The following SLC25A36 variants were observed in gnomAD, a reference collection of about 807,000 sequenced individuals.
SLC25A36 encodes solute carrier family 25 member 36, also known as epididymis secretory sperm binding protein.
SLC25A36 carries 24 observed loss-of-function variants against 35.3 expected under a neutral mutation model. The ratio of observed to expected loss-of-function variants is 0.68; its 90% CI spans 0.49 to 0.96. The LOEUF is 0.96. SLC25A36 is among the 40% of genes least tolerant of loss of function. The pLI is 0.00. For synonymous variants in SLC25A36, 141 were observed against 132.2 expected (o/e 1.07, Z -0.46); for missense variants, 294 against 381.1 (o/e 0.77, Z 1.90).
chr3:140,955,553 C>G (rs1934457733), intron 1 of SLC25A36, among the ~76,000 whole-genome samples: 1 of 152,176 alleles, frequency 6.6e-6, no homozygotes, highest in African/African-American at 2.4e-5. Context: ...TTAAACAGTT[C>G]AATGTCATTA....
At chr3:140,961,855 CAAAAAAAAAAAAAAAAA>C (rs553759457) in intron 3 of SLC25A36, among the ~76,000 whole-genome samples, 18 of 35,840 alleles carry the variant, frequency 5.0e-4, no homozygotes, top group Admixed American at 8.3e-4. Flanking sequence ...GGCTCCGTCT[CAAAAAAAAAAAAAAAAA>C]AAAAAAAAAA....
Position 140,977,551 on chromosome 3 carries a change from G to A in SLC25A36, c.*1098G>A, listed in dbSNP as rs748514018. 6.6e-5 allele frequency: 10 copies of A among 152,092 alleles called. No individual in the cohort carries two copies. Among genetic ancestry groups the A allele is most frequent in the Non-Finnish European group, 1.2e-4 (8 of 68,000 alleles). The allele number at this position is 152,092 out of a possible 1,614,324, so 9.4% of individuals were successfully genotyped here. A position where few individuals can be genotyped will look rare whatever the true frequency, so the allele number is the denominator to read the frequency against. ...TTGTGTAAATGAACAAACTGCTTTTGACAAGAAATTTATTCTGTCCTAGTT... is the reference window on the plus strand; with the variant it reads ...TTGTGTAAATGAACAAACTGCTTTTAACAAGAAATTTATTCTGTCCTAGTT... On this transcript the variant is annotated 3_prime_UTR_variant, in exon 7 of 7. Transcript: ENST00000324194.
chr3:140,952,688 G>T (rs1934360197), intron 1 of SLC25A36, among the ~76,000 whole-genome samples: 1 of 152,072 alleles, frequency 6.6e-6, no homozygotes, highest in Non-Finnish European at 1.5e-5. Flanking sequence ...AGCGTGTGAG[G>T]CATAGGTATT....
chr3:140,967,089 T>C (rs1011868187), intron 4 of SLC25A36: 61 of 453,700 alleles, frequency 1.3e-4, no homozygotes, highest in Non-Finnish European at 3.1e-5. Flanking sequence ...AAACCCACCC[T>C]GGGATTTTAT....
intron 3 of SLC25A36, among the ~76,000 whole-genome samples, chr3:140,961,483 T>A (rs1282169016): frequency 6.6e-6 from 1 of 152,182 alleles, no homozygotes; most frequent in African/African-American, 2.4e-5. Flanking sequence ...TATCTTTGAA[T>A]ACTTTAGGAA....
Position 140,971,084 on chromosome 3 carries a change from TTTG to T in SLC25A36, c.452+99_452+101del, listed in dbSNP as rs1934887175. The T allele has an allele frequency of 7.9e-6, 5 of 633,336 alleles. No individual in the cohort carries two copies. In the East Asian group the frequency reaches 1.1e-4, roughly 14 times the overall value. The allele number at this position is 633,336 out of a possible 1,614,324, so 39.2% of individuals were successfully genotyped here. A position where few individuals can be genotyped will look rare whatever the true frequency, so the allele number is the denominator to read the frequency against. On this transcript the variant is annotated intron_variant, in intron 5 of 6. Coordinates refer to ENST00000324194, the MANE Select transcript of SLC25A36 (RefSeq NM_001104647.3). The stretch of plus-strand genomic sequence containing the variant: ...TTTCTTTCCTTTGCTGCTGAATTTG[TTTG>T]TTGTTGTAGTTTAATTTTGAAACTT...
chr3:140,958,019 A>C (rs562669701), intron 2 of SLC25A36, among the ~76,000 whole-genome samples: 2 of 152,174 alleles, frequency 1.3e-5, no homozygotes, highest in East Asian at 3.9e-4. Context: ...CCTCACAGTA[A>C]CCAGTAAAGG....
At chr3:140,976,175 A>G in intron 6 of SLC25A36, 85 bp from the exon 7 acceptor site, 1 of 898,650 alleles carries the variant, frequency 1.1e-6, no homozygotes, top group Non-Finnish European at 1.7e-6. Context: ...TTACACTTAC[A>G]GACTGATAAA....
chr3:140,966,305 G>A, intron 4 of SLC25A36: 1 of 295,506 alleles, frequency 3.4e-6, no homozygotes, highest in Non-Finnish European at 6.8e-6. Flanking sequence ...CAGATGTTTT[G>A]TGTGTTTGTG....
chr3:140,967,348 A>T (rs977520244), intron 4 of SLC25A36, among the ~76,000 whole-genome samples: 5 of 151,934 alleles, frequency 3.3e-5, no homozygotes, highest in African/African-American at 7.2e-5. Context: ...ATAAAATCAT[A>T]GTTCTCTTTG....
intron 1 of SLC25A36, among the ~76,000 whole-genome samples, chr3:140,953,880 G>A (rs1934404500): frequency 6.6e-6 from 1 of 152,178 alleles, no homozygotes; most frequent in African/African-American, 2.4e-5. Flanking sequence ...TGAAGCAGGA[G>A]GACTGTTTGA....
intron 3 of SLC25A36, among the ~76,000 whole-genome samples, chr3:140,961,809 T>C (rs1200807858): frequency 8.1e-6 from 1 of 123,744 alleles, no homozygotes; most frequent in Non-Finnish European, 1.5e-5. Context: ...TGAGCCAATA[T>C]AGGGCCACTG....
intron 6 of SLC25A36, among the ~76,000 whole-genome samples, chr3:140,975,387 G>A (rs1285553061): frequency 6.6e-6 from 1 of 151,970 alleles, no homozygotes; most frequent in Non-Finnish European, 1.5e-5. Context: ...TCAGGCTCAG[G>A]CATGAGCCAC....
At chr3:140,971,015 A>G in intron 5 of SLC25A36, 22 bp downstream of exon 5, 1 of 1,077,982 alleles carries the variant, frequency 9.3e-7, no homozygotes, top group East Asian at 2.4e-5. Flanking sequence ...CCTTAAAATA[A>G]AATTGGTTAA....
chr3:140,978,750 T>G lies in SLC25A36; in HGVS notation c.*2297T>G, dbSNP rs528543898. ...ACAACTAGAAAGGAGCAATGAAGTT[T>G]ATTTCAGTTGTATTTTTCCCTAAGC... On this transcript the variant is annotated 3_prime_UTR_variant, in exon 7 of 7. Transcript: ENST00000324194. 110 of 152,288 alleles carry G rather than the reference T, an allele frequency of 7.2e-4. 2 individuals are homozygous for G. Among genetic ancestry groups the G allele is most frequent in the Admixed American group, 7.0e-3 (107 of 15,286 alleles). 9.4% of individuals were successfully genotyped at this position (152,288 alleles called of 1,614,324 possible).
chr3:140,953,554 A>T (rs946109052), intron 1 of SLC25A36, among the ~76,000 whole-genome samples: 5 of 152,150 alleles, frequency 3.3e-5, no homozygotes, highest in African/African-American at 9.7e-5. Flanking sequence ...ATATTTTTCA[A>T]ATCAGATTTG....
intron 4 of SLC25A36, 57 bp downstream of exon 4, chr3:140,963,284 A>G (rs1312583888): frequency 8.6e-6 from 9 of 1,047,586 alleles, no homozygotes; most frequent in African/African-American, 1.7e-5. Context: ...GAGGCTTAAT[A>G]TTGAATTATA....
In SLC25A36 at chr3:140,979,735, C is replaced by A. The variant is rs577705713; in HGVS notation, c.*3282C>A. On this transcript the variant is annotated 3_prime_UTR_variant, in exon 7 of 7. Transcript: ENST00000324194. ...TTATAAACTTTTGGAATGTGTACCC[C>A]GTTTATGTGAAGAATTATGACCTAT... 1.3e-5 allele frequency: 2 copies of A among 152,012 alleles called. No homozygotes were observed. Among genetic ancestry groups the A allele is most frequent in the Non-Finnish European group, 2.9e-5 (2 of 67,974 alleles). The allele number at this position is 152,012 out of a possible 1,614,324, so 9.4% of individuals were successfully genotyped here. A position where few individuals can be genotyped will look rare whatever the true frequency, so the allele number is the denominator to read the frequency against.
intron 3 of SLC25A36, among the ~76,000 whole-genome samples, chr3:140,961,736 G>C (rs1295389776): frequency 6.6e-6 from 1 of 151,530 alleles, no homozygotes; most frequent in East Asian, 1.9e-4. Flanking sequence ...GTCGCCTGTA[G>C]TCCCAGCTGC....
Sources: allele counts gnomAD v4.1 joint callset (sites outside exome capture counted in the v4.1 genomes callset), GRCh38; gene constraint gnomAD v4.1.1; transcripts MANE v1.5; gene names NCBI Gene and HGNC (gene_info 2026-07-23, HGNC 2026-07-21).